The following TRPC6 variants were observed in gnomAD, a reference collection of about 807,000 sequenced individuals.
The protein encoded by TRPC6 is short transient receptor potential channel 6.
TRPC6 carries 55 observed loss-of-function variants against 90.7 expected under a neutral mutation model. The ratio of observed to expected loss-of-function variants is 0.61; its 90% CI spans 0.49 to 0.76. TRPC6 has a LOEUF of 0.76. Ranked by LOEUF, TRPC6 falls within the 30% of genes least tolerant of loss-of-function variation. TRPC6 has a pLI of 0.00. For synonymous variants in TRPC6, 393 were observed against 393.0 expected (o/e 1.00, Z 0.00); for missense variants, 989 against 1,122.7 (o/e 0.88, Z 1.70).
intron 1 of TRPC6, among the ~76,000 whole-genome samples, chr11:101,517,799 C>T (rs980481232): frequency 6.6e-6 from 1 of 152,142 alleles, no homozygotes; most frequent in Admixed American, 6.5e-5. Flanking sequence ...CTACTTAGAA[C>T]CCTCAGCTGT....
intron 1 of TRPC6, among the ~76,000 whole-genome samples, chr11:101,559,434 T>C (rs1309347693): frequency 2.0e-5 from 3 of 152,158 alleles, no homozygotes; most frequent in Non-Finnish European, 2.9e-5. Flanking sequence ...TAGGGAGTGA[T>C]TTTCCATGAA....
At chr11:101,557,532 A>T (rs887783168) in intron 1 of TRPC6, among the ~76,000 whole-genome samples, 2 of 152,210 alleles carry the variant, frequency 1.3e-5, no homozygotes, top group Non-Finnish European at 2.9e-5. Flanking sequence ...GAGAAAAAAT[A>T]AAAGGCATCC....
intron 1 of TRPC6, among the ~76,000 whole-genome samples, chr11:101,553,376 A>C (rs1861492936): frequency 6.6e-6 from 1 of 151,990 alleles, no homozygotes; most frequent in South Asian, 2.1e-4. Flanking sequence ...CCTCTCACTG[A>C]ACCTTTATCA....
chr11:101,546,678 A>G (rs894273466), intron 1 of TRPC6, among the ~76,000 whole-genome samples: 2 of 152,202 alleles, frequency 1.3e-5, no homozygotes, highest in Non-Finnish European at 2.9e-5. Context: ...AGCAACTATC[A>G]TATCATTTGG....
At chr11:101,569,339 C>T (rs1215766480) in intron 1 of TRPC6, among the ~76,000 whole-genome samples, 1 of 152,066 alleles carries the variant, frequency 6.6e-6, no homozygotes, top group African/African-American at 2.4e-5. Flanking sequence ...ATATGTGCAC[C>T]CAATACAGGA....
At chr11:101,573,115 G>C (rs927254639) in intron 1 of TRPC6, among the ~76,000 whole-genome samples, 1 of 147,668 alleles carries the variant, frequency 6.8e-6, no homozygotes, top group Non-Finnish European at 1.5e-5. Context: ...GCAAAATCTA[G>C]TGATACAGTA....
At chr11:101,453,186 C>G in intron 12 of TRPC6, 80 bp from the exon 13 acceptor site, 1 of 1,336,488 alleles carries the variant, frequency 7.5e-7, no homozygotes, top group Non-Finnish European at 1.1e-6. Context: ...AGGAGGAAAT[C>G]AGCTCTAATT....
At chr11:101,464,540 G>A (rs193298126) in intron 10 of TRPC6, among the ~76,000 whole-genome samples, 1 of 152,116 alleles carries the variant, frequency 6.6e-6, no homozygotes, top group African/African-American at 2.4e-5. Flanking sequence ...TTACCATTAT[G>A]TAATGCCCTT....
chr11:101,542,552 A>G (rs1156840349), intron 1 of TRPC6, among the ~76,000 whole-genome samples: 1 of 152,138 alleles, frequency 6.6e-6, no homozygotes, highest in Non-Finnish European at 1.5e-5. Context: ...CATTTTACCC[A>G]GAATGAGTAA....
At chr11:101,531,237 T>C (rs565391151) in intron 1 of TRPC6, among the ~76,000 whole-genome samples, 19 of 152,180 alleles carry the variant, frequency 1.2e-4, no homozygotes, top group Admixed American at 3.9e-4. Flanking sequence ...TACACCCTAA[T>C]AAATCTGGGA....
At chr11:101,548,671 T>C (rs1861381297) in intron 1 of TRPC6, among the ~76,000 whole-genome samples, 1 of 140,662 alleles carries the variant, frequency 7.1e-6, no homozygotes, top group Non-Finnish European at 1.5e-5. Context: ...TAAACAATCA[T>C]GCTTATTTAT....
intron 1 of TRPC6, among the ~76,000 whole-genome samples, chr11:101,554,848 C>T (rs1861526082): frequency 6.6e-6 from 1 of 152,134 alleles, no homozygotes; most frequent in Non-Finnish European, 1.5e-5. Context: ...TATTTCCTTG[C>T]CCTAGCTTGT....
intron 2 of TRPC6, among the ~76,000 whole-genome samples, chr11:101,500,304 G>A (rs1032526764): frequency 6.7e-6 from 1 of 150,070 alleles, no homozygotes; most frequent in East Asian, 2.0e-4. Flanking sequence ...CGCCTCCCAG[G>A]TTCAAGTGAT....
At chr11:101,517,162 T>C (rs1003305765) in intron 1 of TRPC6, among the ~76,000 whole-genome samples, 5 of 152,182 alleles carry the variant, frequency 3.3e-5, no homozygotes, top group African/African-American at 9.7e-5. Context: ...CTTACAATAG[T>C]ATGTTCAAGC....
At chr11:101,506,347 T>C (rs1436581220) in intron 1 of TRPC6, among the ~76,000 whole-genome samples, 1 of 151,150 alleles carries the variant, frequency 6.6e-6, no homozygotes, top group African/African-American at 2.5e-5. Context: ...TGTTCAGGTC[T>C]GGAGAATCTT....
At chr11:101,462,450 C>T (rs1247173865) in intron 10 of TRPC6, among the ~76,000 whole-genome samples, 9 of 151,878 alleles carry the variant, frequency 5.9e-5, no homozygotes, top group Admixed American at 1.3e-4. Context: ...GAGCGTGGAA[C>T]GATTTTCCAT....
intron 6 of TRPC6, among the ~76,000 whole-genome samples, chr11:101,474,137 C>G (rs1327898437): frequency 7.9e-5 from 12 of 152,188 alleles, no homozygotes; most frequent in African/African-American, 2.7e-4. Flanking sequence ...GATAATATCC[C>G]TTCTAACTCT....
rs1487337561 is a variant in TRPC6, at chr11:101,451,717, C to T, written c.*1238G>A. 2 of 152,188 alleles carry T rather than the reference C, an allele frequency of 1.3e-5. No homozygotes were observed. The highest frequency in any genetic ancestry group is 1.5e-5 in the Non-Finnish European group (1 of 68,018). The allele number at this position is 152,188 out of a possible 1,614,324, so 9.4% of individuals were successfully genotyped here. On this transcript the variant is annotated 3_prime_UTR_variant, in exon 13 of 13. Transcript: ENST00000344327. The stretch of plus-strand genomic sequence containing the variant: ...AAATTAAGCCAAAGTTGGAGCTAAA[C>T]AGATTTTCTGCAACCATTTCATCTT...
At position 101,481,128 on chromosome 11, in the gene TRPC6, G is replaced by C. The variant is rs79240919; in HGVS notation, c.1510+1821C>G. ...TTTGAAAAATGCGTCTTAATATTTT[G>C]ACTGATCATCTCATCAAGCTCCAGC... is the stretch of plus-strand genomic sequence containing the variant. On this transcript the variant is annotated intron_variant, in intron 5 of 12. Coordinates refer to ENST00000344327, the MANE Select transcript of TRPC6 (RefSeq NM_004621.6). 9.0e-3 allele frequency among the ~76,000 whole-genome samples: 1,365 copies of C among 152,094 alleles called. 11 individuals carry two copies. The highest frequency in any genetic ancestry group is 0.031 in the African/African-American group (1,301 of 41,496).
Sources: gnomAD v4.1 joint callset for allele counts (sites outside exome capture counted in the v4.1 genomes callset) on GRCh38, gnomAD v4.1.1 for gene constraint, MANE v1.5 for transcripts, NCBI Gene and HGNC (gene_info 2026-07-23, HGNC 2026-07-21) for gene names.